Variants in CDKL3 observed in about 807,000 individuals in gnomAD.
CDKL3 encodes the protein cyclin dependent kinase like 3, also known as cyclin-dependent kinase-like 3.
In CDKL3, 65 loss-of-function variants were observed where a neutral mutation model predicts 69.3. The observed-to-expected ratio is 0.94, with a 90% CI of 0.77 to 1.15. The LOEUF (loss-of-function observed/expected upper bound fraction) is 1.15. Among genes scored for constraint, CDKL3 ranks in the 50% most tolerant of loss-of-function variants. The pLI is 0.00. For missense variants in CDKL3, 652 were observed against 689.2 expected (o/e 0.95, Z 0.61); for synonymous variants, 202 against 221.6 (o/e 0.91, Z 0.79).
chr5:134,294,293 C>T (rs541072369), downstream of CDKL3, among the ~76,000 whole-genome samples: 10 of 152,052 alleles, frequency 6.6e-5, no homozygotes, highest in South Asian at 6.2e-4. Context: ...AAAGGGCATT[C>T]GACAAAATTC....
At chr5:134,350,452 T>C (rs751293429) in intron 3 of CDKL3, 25 bp from the exon 4 acceptor site, 5 of 1,412,480 alleles carry the variant, frequency 3.5e-6, no homozygotes, top group South Asian at 1.3e-5. Context: ...GAATACAAAA[T>C]ACATTAAAAT....
At chr5:134,326,620 T>C (rs1774256924) in intron 4 of CDKL3, among the ~76,000 whole-genome samples, 1 of 151,760 alleles carries the variant, frequency 6.6e-6, no homozygotes, top group African/African-American at 2.4e-5. Context: ...CTTACTCTCT[T>C]ATTAGTTTAT....
intron 3 of CDKL3, among the ~76,000 whole-genome samples, chr5:134,356,616 T>C (rs1754674599): frequency 6.6e-6 from 1 of 152,098 alleles, no homozygotes; most frequent in African/African-American, 2.4e-5. Flanking sequence ...AAACCCCGAC[T>C]CTACTAAAAA....
At chr5:134,293,026 T>C (rs1765192669) in intron 8 of CDKL3, among the ~76,000 whole-genome samples, 2 of 111,110 alleles carry the variant, frequency 1.8e-5, no homozygotes, top group African/African-American at 7.8e-5. Flanking sequence ...TTTTTTTTTT[T>C]TTTTTTTTTT....
At chr5:134,335,897 G>T (rs1426735034) in intron 4 of CDKL3, among the ~76,000 whole-genome samples, 2 of 152,080 alleles carry the variant, frequency 1.3e-5, no homozygotes, top group Non-Finnish European at 2.9e-5. Context: ...GTTTTCCTGG[G>T]TAATATCCTG....
downstream of CDKL3, among the ~76,000 whole-genome samples, chr5:134,295,285 A>C (rs1346057229): frequency 6.6e-6 from 1 of 152,062 alleles, no homozygotes; most frequent in Admixed American, 6.6e-5. Context: ...CTGAAATGCC[A>C]GGATGACAGG....
In CDKL3 at chr5:134,346,280, C is replaced by T. The variant is rs74985630; in HGVS notation, c.539+3969G>A. Among the ~76,000 whole-genome samples the T allele has an allele frequency of 3.9e-4, 59 of 152,280 alleles. 1 individual carries two copies. The East Asian group carries it at 0.01, about 26-fold the overall frequency. ...CTGGGTTTATTACCATTAGATCATA[C>T]TCCTTTTGCCCAATCATGTTTCTCT... On this transcript the variant is annotated intron_variant, in intron 4 of 12. Transcript: ENST00000265334.
At chr5:134,300,219 A>T (rs976728892) in intron 12 of CDKL3, among the ~76,000 whole-genome samples, 30 of 152,048 alleles carry the variant, frequency 2.0e-4, no homozygotes, top group African/African-American at 7.0e-4. Flanking sequence ...GGCACCTGTA[A>T]TCCCAGCTAC....
intron 4 of CDKL3, among the ~76,000 whole-genome samples, chr5:134,341,138 C>A (rs188489001): frequency 2.0e-3 from 302 of 152,180 alleles, no homozygotes; most frequent in African/African-American, 6.8e-3. Context: ...TTGATAAAAT[C>A]CAACACCCCT....
At chr5:134,293,931 G>T (rs535083177), downstream of CDKL3, among the ~76,000 whole-genome samples, 2 of 152,116 alleles carry the variant, frequency 1.3e-5, no homozygotes, top group Admixed American at 1.3e-4. Flanking sequence ...AACAAAGCAA[G>T]ACTCCATCTC....
intron 4 of CDKL3, among the ~76,000 whole-genome samples, chr5:134,345,664 A>G (rs1751679485): frequency 6.6e-6 from 1 of 152,146 alleles, no homozygotes; most frequent in Non-Finnish European, 1.5e-5. Flanking sequence ...GGGGCAGGGG[A>G]CACAAGATGC....
intron 3 of CDKL3, among the ~76,000 whole-genome samples, chr5:134,358,220 T>A (rs1755086711): frequency 6.6e-6 from 1 of 152,220 alleles, no homozygotes; most frequent in African/African-American, 2.4e-5. Flanking sequence ...TCTTCCTCTA[T>A]CTGTTGTTCC....
rs1181619219 is a variant in CDKL3, at chr5:134,350,379, C to T, written c.409G>A (p.Gly137Arg). The change falls in exon 4 of 13, where the codon GGA becomes AGA. Residue 137 changes from glycine to arginine, a missense_variant. Coordinates refer to ENST00000265334, the MANE Select transcript of CDKL3 (RefSeq NM_001113575.2). ...KPENILVSQS[G>R]ITKLCDFGFA... ...CCAAAATCACAGAGCTTAGTAATTC[C>T]TGACTGGGATACTAAAATATTCTCA... The T allele has an allele frequency of 1.3e-6, 2 of 1,578,206 alleles. No homozygotes were observed. Among genetic ancestry groups the T allele is most frequent in the East Asian group, 2.3e-5 (1 of 43,628 alleles).
intron 4 of CDKL3, among the ~76,000 whole-genome samples, chr5:134,341,124 A>G (rs112458258): frequency 6.6e-6 from 1 of 152,328 alleles, no homozygotes; most frequent in African/African-American, 2.4e-5. Context: ...CAAAGAAAAA[A>G]CATTTGATAA....
At chr5:134,354,745 G>A (rs1347797077) in intron 3 of CDKL3, among the ~76,000 whole-genome samples, 4 of 151,946 alleles carry the variant, frequency 2.6e-5, no homozygotes, top group Admixed American at 6.6e-5. Flanking sequence ...TCAGGAGATC[G>A]AGACCATCCT....
intron 4 of CDKL3, among the ~76,000 whole-genome samples, chr5:134,339,950 G>A (rs929437073): frequency 1.3e-5 from 2 of 152,002 alleles, no homozygotes; most frequent in Admixed American, 1.3e-4. Flanking sequence ...ACAGGAGTTT[G>A]AGACCAGCCT....
intron 3 of CDKL3, among the ~76,000 whole-genome samples, chr5:134,355,235 GAAAA>G (rs60153337): frequency 1.3e-5 from 1 of 74,438 alleles, no homozygotes; most frequent in Non-Finnish European, 2.9e-5. Context: ...TCTGTCTCAG[GAAAA>G]AAAAAAAAAA....
chr5:134,293,613 T>C (rs577547109), downstream of CDKL3, among the ~76,000 whole-genome samples: 72 of 149,266 alleles, frequency 4.8e-4, no homozygotes, highest in South Asian at 8.6e-4. Flanking sequence ...TGGGGCAACA[T>C]AGCAAGACCC....
intron 4 of CDKL3, among the ~76,000 whole-genome samples, chr5:134,323,603 C>T (rs59636364): frequency 0.14 from 21,387 of 151,988 alleles, 1,839 homozygotes; most frequent in African/African-American, 0.23. Context: ...GGAACAGAGG[C>T]AATTGAATAA....
Sources: allele counts gnomAD v4.1 joint callset (sites outside exome capture counted in the v4.1 genomes callset), GRCh38; gene constraint gnomAD v4.1.1; transcripts MANE v1.5; gene names NCBI Gene and HGNC (gene_info 2026-07-23, HGNC 2026-07-21).